Variants in CSMD2 observed in about 807,000 individuals in gnomAD.
CSMD2 encodes the protein CUB and sushi domain-containing protein 2.
A neutral mutation model predicts 398.5 loss-of-function variants in CSMD2; 130 were observed. The observed-to-expected ratio is 0.33, with a 90% CI of 0.28 to 0.38. The LOEUF (loss-of-function observed/expected upper bound fraction) is 0.38. CSMD2 is among the 10% of genes least tolerant of loss of function. CSMD2 has a pLI of 1.00. For missense variants in CSMD2, 3,829 were observed against 4,764.9 expected (o/e 0.80, Z 5.78); for synonymous variants, 1,828 against 1,908.5 (o/e 0.96, Z 1.10).
intron 44 of CSMD2, chr1:33,598,873 G>C (rs1046289606): frequency 6.6e-6 from 1 of 152,272 alleles, no homozygotes; most frequent in African/African-American, 2.4e-5. Flanking sequence ...GTTTCTCCAT[G>C]TTGGTCAGGC....
chr1:33,752,231 A>T (rs1049495962), intron 13 of CSMD2, among the ~76,000 whole-genome samples: 1 of 152,248 alleles, frequency 6.6e-6, no homozygotes, highest in African/African-American at 2.4e-5. Context: ...GTTGAAATGT[A>T]ATCCCCAATG....
At chr1:33,675,583 A>G (rs1181746106) in intron 25 of CSMD2, among the ~76,000 whole-genome samples, 1 of 152,246 alleles carries the variant, frequency 6.6e-6, no homozygotes, top group African/African-American at 2.4e-5. Flanking sequence ...ACAGAAAAAG[A>G]GGGAATCCTC....
chr1:33,819,508 T>C (rs1010033184), intron 9 of CSMD2, among the ~76,000 whole-genome samples: 1 of 152,208 alleles, frequency 6.6e-6, no homozygotes, highest in African/African-American at 2.4e-5. Flanking sequence ...ATCTTCCCCA[T>C]CTCTGTATCT....
At chr1:33,933,808 G>T (rs1429183153) in intron 4 of CSMD2, among the ~76,000 whole-genome samples, 1 of 152,158 alleles carries the variant, frequency 6.6e-6, no homozygotes. Context: ...AGGAAAGCAG[G>T]AAAGGGAACT....
At position 33,993,004 on chromosome 1, in the gene CSMD2, G is replaced by C. The variant is rs146028530; in HGVS notation, c.517+39590C>G. Among the ~76,000 whole-genome samples, 33 of 152,144 alleles carry C rather than the reference G, an allele frequency of 2.2e-4. No individual in the cohort carries two copies. In the East Asian group the frequency reaches 3.5e-3, roughly 16 times the overall value. On this transcript the variant is annotated intron_variant, in intron 3 of 70. Transcript: ENST00000373381. The stretch of plus-strand genomic sequence containing the variant: ...ATGAAAAAAAGCAAGTTTCAGAATA[G>C]TACATCTTGTATTGTCCCACTTATG...
At chr1:34,081,558 G>A (rs1203078491) in intron 2 of CSMD2, among the ~76,000 whole-genome samples, 1 of 152,122 alleles carries the variant, frequency 6.6e-6, no homozygotes, top group East Asian at 1.9e-4. Context: ...GCCTGGGATC[G>A]CAGGCGCGCG....
chr1:34,024,412 C>T (rs1649355780), intron 3 of CSMD2, among the ~76,000 whole-genome samples: 1 of 152,220 alleles, frequency 6.6e-6, no homozygotes, highest in Admixed American at 6.5e-5. Flanking sequence ...GGCATAATAT[C>T]ATCTTAAAGC....
At position 33,567,798 on chromosome 1, in the gene CSMD2, G is replaced by A. The variant is rs779738803; in HGVS notation, c.8175C>T (p.Phe2725=). The A allele has an allele frequency of 1.4e-5, 23 of 1,609,594 alleles. No homozygotes were observed. The highest frequency in any genetic ancestry group is 1.1e-5 in the Non-Finnish European group (13 of 1,177,810). Reference sequence around the variant, plus strand: ...TGAGGGATGGGGAAGAGAGTACATCGAAGAGGAGCTTATAGAAAATGGAGT... The same window carrying A: ...TGAGGGATGGGGAAGAGAGTACATCAAAGAGGAGCTTATAGAAAATGGAGT... ...KLHSIFYKLL[F]DVLSSPSLTK... The change falls in exon 53 of 71, where the codon TTC becomes TTT. Residue 2725 remains phenylalanine (F), a synonymous_variant. Coordinates refer to ENST00000373381, the MANE Select transcript of CSMD2 (RefSeq NM_001281956.2).
intron 55 of CSMD2, among the ~76,000 whole-genome samples, chr1:33,550,708 G>C (rs939379083): frequency 6.6e-6 from 1 of 152,176 alleles, no homozygotes; most frequent in African/African-American, 2.4e-5. Context: ...AAAAATGGGA[G>C]CTCTGTCACC....
chr1:34,072,634 A>C (rs1248304043), intron 2 of CSMD2, among the ~76,000 whole-genome samples: 2 of 152,106 alleles, frequency 1.3e-5, no homozygotes, highest in Non-Finnish European at 2.9e-5. Context: ...AGGGGGTGTT[A>C]AATTTTGGCT....
intron 27 of CSMD2, among the ~76,000 whole-genome samples, chr1:33,653,800 G>A (rs1243900953): frequency 6.6e-6 from 1 of 152,140 alleles, no homozygotes; most frequent in Non-Finnish European, 1.5e-5. Context: ...AAACCACAGG[G>A]CACCATCAGA....
intron 3 of CSMD2, among the ~76,000 whole-genome samples, chr1:33,942,869 G>A (rs1367798765): frequency 6.6e-6 from 1 of 152,138 alleles, no homozygotes; most frequent in Non-Finnish European, 1.5e-5. Context: ...AGAGTTTCCT[G>A]TCCTCCATAA....
chr1:34,106,677 C>G (rs890221890), intron 1 of CSMD2, among the ~76,000 whole-genome samples: 1 of 152,142 alleles, frequency 6.6e-6, no homozygotes, highest in Non-Finnish European at 1.5e-5. Context: ...GTTGCTGTGC[C>G]TCAGGGACCT....
intron 13 of CSMD2, among the ~76,000 whole-genome samples, chr1:33,749,854 C>A (rs1647968414): frequency 6.6e-6 from 1 of 152,172 alleles, no homozygotes; most frequent in Admixed American, 6.5e-5. Flanking sequence ...TAGGTGGTTT[C>A]ATGGCCAGTG....
chr1:33,901,308 T>C (rs1642744485), intron 5 of CSMD2, among the ~76,000 whole-genome samples: 2 of 152,198 alleles, frequency 1.3e-5, no homozygotes, highest in African/African-American at 4.8e-5. Flanking sequence ...TGAGATGCGG[T>C]TGGCTGTGAG....
chr1:33,739,649 C>A (rs965648869), intron 14 of CSMD2, among the ~76,000 whole-genome samples: 4 of 152,198 alleles, frequency 2.6e-5, no homozygotes, highest in Admixed American at 2.6e-4. Flanking sequence ...GCTCTTGTTA[C>A]CCTACTTTAC....
At chr1:33,990,980 A>T (rs1158872170) in intron 3 of CSMD2, among the ~76,000 whole-genome samples, 4 of 151,450 alleles carry the variant, frequency 2.6e-5, no homozygotes, top group Non-Finnish European at 5.9e-5. Context: ...TTTGTTATTT[A>T]TGTGAAAATC....
intron 23 of CSMD2, 121 bp downstream of exon 23, chr1:33,700,396 G>A: frequency 9.7e-7 from 1 of 1,025,810 alleles, no homozygotes; most frequent in Non-Finnish European, 1.5e-6. Context: ...GATACATATT[G>A]GATTTTAAAA....
intron 3 of CSMD2, among the ~76,000 whole-genome samples, chr1:33,994,770 C>A (rs1646672733): frequency 1.3e-5 from 2 of 152,128 alleles, no homozygotes; most frequent in Admixed American, 1.3e-4. Context: ...GTTTACGTAG[C>A]TAAGCAGTAT....
Sources: allele counts gnomAD v4.1 joint callset (sites outside exome capture counted in the v4.1 genomes callset), GRCh38; gene constraint gnomAD v4.1.1; transcripts MANE v1.5; gene names NCBI Gene and HGNC (gene_info 2026-07-23, HGNC 2026-07-21).